SLC9A9: variants seen among roughly 807,000 people sequenced by gnomAD.
The protein encoded by SLC9A9 is solute carrier family 9 member A9, also known as sodium/hydrogen exchanger 9.
SLC9A9 carries 62 observed loss-of-function variants against 77.8 expected under a neutral mutation model. The ratio of observed to expected loss-of-function variants is 0.80; its 90% CI spans 0.65 to 0.98. SLC9A9 has a LOEUF of 0.98. Ranked by LOEUF, SLC9A9 falls within the 50% of genes least tolerant of loss-of-function variation. SLC9A9 has a pLI of 0.00. For synonymous variants in SLC9A9, 320 were observed against 283.5 expected (o/e 1.13, Z -1.29); for missense variants, 775 against 774.9 (o/e 1.00, Z 0.00).
intron 4 of SLC9A9, among the ~76,000 whole-genome samples, chr3:143,777,716 C>CTTTT (rs34103558): frequency 7.4e-6 from 1 of 135,954 alleles, no homozygotes; most frequent in African/African-American, 2.7e-5. Flanking sequence ...GTCACTGATA[C>CTTTT]TTTTTTTTTT....
intron 9 of SLC9A9, among the ~76,000 whole-genome samples, chr3:143,537,427 C>T (rs1484548172): frequency 6.6e-6 from 1 of 152,216 alleles, no homozygotes; most frequent in Non-Finnish European, 1.5e-5. Flanking sequence ...TGGGTTCCAA[C>T]TGCAGCCTGT....
chr3:143,366,812 C>T (rs1313850532), intron 13 of SLC9A9, among the ~76,000 whole-genome samples: 2 of 152,160 alleles, frequency 1.3e-5, no homozygotes, highest in Non-Finnish European at 2.9e-5. Flanking sequence ...CAAGATTCCT[C>T]TTATCTAGAT....
rs1935119582 is a variant in SLC9A9, at chr3:143,743,241, G to GATA, written c.534-49935_534-49934insTAT. On this transcript the variant is annotated intron_variant, in intron 4 of 15. Transcript: ENST00000316549. ...TGGATGGATGGATGGATGGATGGAT[G>GATA]GATAGATAGATAGATAGATAGATAG... 1.7e-3 allele frequency among the ~76,000 whole-genome samples: 232 copies of GATA among 133,662 alleles called. 2 individuals are homozygous for GATA. Among genetic ancestry groups the GATA allele is most frequent in the Admixed American group, 2.2e-3 (28 of 12,916 alleles). 87.7% of individuals were successfully genotyped at this position (133,662 alleles called of 152,430 possible).
At chr3:143,751,219 ACT>A (rs1491281493) in intron 4 of SLC9A9, among the ~76,000 whole-genome samples, 3 of 152,126 alleles carry the variant, frequency 2.0e-5, no homozygotes, top group African/African-American at 7.2e-5. Context: ...AAGGTTGCAG[ACT>A]CTCTGAAGGC....
At chr3:143,475,044 C>T (rs374351904) in intron 11 of SLC9A9, among the ~76,000 whole-genome samples, 14 of 151,894 alleles carry the variant, frequency 9.2e-5, no homozygotes, top group African/African-American at 1.2e-4. Context: ...CTGTAACCTC[C>T]GCCTCCTGGG....
At chr3:143,477,168 T>C (rs1026428131) in intron 11 of SLC9A9, among the ~76,000 whole-genome samples, 4 of 152,190 alleles carry the variant, frequency 2.6e-5, no homozygotes, top group African/African-American at 9.7e-5. Flanking sequence ...TGACTGGTTC[T>C]GACCAGTAAA....
intron 2 of SLC9A9, among the ~76,000 whole-genome samples, chr3:143,799,557 A>G (rs1426661812): frequency 6.6e-6 from 1 of 152,180 alleles, no homozygotes; most frequent in Non-Finnish European, 1.5e-5. Context: ...GGAGCTTGCT[A>G]CAAGTGCCGG....
intron 2 of SLC9A9, among the ~76,000 whole-genome samples, chr3:143,809,326 T>C (rs958779491): frequency 2.6e-5 from 4 of 152,258 alleles, no homozygotes; most frequent in African/African-American, 7.2e-5. Flanking sequence ...TTATATTTTC[T>C]GGAGCAGCCA....
At chr3:143,375,143 C>T (rs569303533) in intron 13 of SLC9A9, among the ~76,000 whole-genome samples, 45 of 152,216 alleles carry the variant, frequency 3.0e-4, no homozygotes, top group Non-Finnish European at 5.7e-4. Context: ...TTCAAGTACA[C>T]ACGGAATATT....
chr3:143,847,519 C>G (rs772198822), intron 1 of SLC9A9: 5 of 152,604 alleles, frequency 3.3e-5, no homozygotes, highest in African/African-American at 9.7e-5. Context: ...ACAAATAACA[C>G]TAGCAATGAT....
At chr3:143,682,648 T>G (rs1933139172) in intron 5 of SLC9A9, among the ~76,000 whole-genome samples, 1 of 152,144 alleles carries the variant, frequency 6.6e-6, no homozygotes, top group Non-Finnish European at 1.5e-5. Context: ...CATGTCTCAG[T>G]TATATCAAAT....
intron 4 of SLC9A9, among the ~76,000 whole-genome samples, chr3:143,706,616 A>G (rs1032903954): frequency 1.3e-5 from 2 of 152,108 alleles, no homozygotes; most frequent in Non-Finnish European, 2.9e-5. Flanking sequence ...CCTGTATCGG[A>G]TATCTTGAAC....
rs115362148 is a variant in SLC9A9 at position 143,846,173 on chromosome 3, A to G, written c.175+1975T>C. 5.6e-3 allele frequency among the ~76,000 whole-genome samples: 858 copies of G among 152,312 alleles called. 3 individuals carry two copies. Among genetic ancestry groups the G allele is most frequent in the African/African-American group, 0.019 (796 of 41,556 alleles). On this transcript the variant is annotated intron_variant, in intron 1 of 15. Transcript: ENST00000316549. ...ATGACTGAATTTTAGTAGGTTATCA[A>G]AACTTTTACGAAAACAATATCCCCA...
intron 5 of SLC9A9, among the ~76,000 whole-genome samples, chr3:143,670,989 G>A (rs75736845): frequency 0.016 from 2,486 of 152,254 alleles, 57 homozygotes; most frequent in African/African-American, 0.056. Flanking sequence ...CAATGGTGTA[G>A]GACAAAGAAT....
intron 13 of SLC9A9, among the ~76,000 whole-genome samples, chr3:143,378,769 T>G (rs1359424109): frequency 1.3e-5 from 2 of 152,214 alleles, no homozygotes; most frequent in Non-Finnish European, 2.9e-5. Context: ...AACTGCAGTA[T>G]CTTCCAGTTC....
At chr3:143,360,894 G>A (rs1043540065) in intron 14 of SLC9A9, among the ~76,000 whole-genome samples, 2 of 152,128 alleles carry the variant, frequency 1.3e-5, no homozygotes, top group African/African-American at 4.8e-5. Context: ...TTGTAGATGT[G>A]GTTAATATCT....
intron 8 of SLC9A9, among the ~76,000 whole-genome samples, chr3:143,573,095 T>C (rs2037294256): frequency 6.6e-6 from 1 of 152,202 alleles, no homozygotes; most frequent in Non-Finnish European, 1.5e-5. Context: ...TTTGAATCTT[T>C]CTATCGATTA....
At position 143,795,095 on chromosome 3, in the gene SLC9A9, T is replaced by A. The variant is rs1228822338; in HGVS notation, c.457-18A>T. The A allele has an allele frequency of 6.3e-6, 10 of 1,599,846 alleles. No homozygotes were observed. The Admixed American group carries it at 1.3e-4, about 21-fold the overall frequency. On this transcript the variant is annotated intron_variant, in intron 3 of 15. Transcript: ENST00000316549. The stretch of plus-strand genomic sequence containing the variant: ...AAGTGTCTCTGGGGAGAAAAAAAGA[T>A]ATTTAATAGAGTACATCAGAATTTT...
At chr3:143,806,225 C>T (rs1252037834) in intron 2 of SLC9A9, among the ~76,000 whole-genome samples, 1 of 152,006 alleles carries the variant, frequency 6.6e-6, no homozygotes, top group East Asian at 1.9e-4. Flanking sequence ...CCCTTTTATG[C>T]CTGAATTCTT....
Sources: allele counts gnomAD v4.1 joint callset (sites outside exome capture counted in the v4.1 genomes callset), GRCh38; gene constraint gnomAD v4.1.1; transcripts MANE v1.5; gene names NCBI Gene and HGNC (gene_info 2026-07-23, HGNC 2026-07-21).